Variants in DNPEP observed in about 807,000 individuals in gnomAD.
DNPEP encodes the protein aspartyl aminopeptidase.
In DNPEP, 46 loss-of-function variants were observed where a neutral mutation model predicts 59.1. The ratio of observed to expected loss-of-function variants is 0.78; its 90% confidence interval spans 0.61 to 0.99. DNPEP has a LOEUF of 0.99. Among genes scored for constraint, DNPEP ranks in the 50% least tolerant of loss-of-function variants. DNPEP has a pLI of 0.00. For synonymous variants in DNPEP, 229 were observed against 242.2 expected (o/e 0.95, Z 0.50); for missense variants, 617 against 649.9 (o/e 0.95, Z 0.55).
chr2:219,377,928 T>G (rs145728809), intron 13 of DNPEP, among the ~76,000 whole-genome samples: 101 of 150,650 alleles, frequency 6.7e-4, no homozygotes, highest in African/African-American at 2.4e-3. Flanking sequence ...GTTTCTAATT[T>G]TAAAAAAACA....
intron 13 of DNPEP, among the ~76,000 whole-genome samples, chr2:219,377,137 C>T (rs1272136621): frequency 6.6e-6 from 1 of 151,546 alleles, no homozygotes; most frequent in South Asian, 2.1e-4. Flanking sequence ...AGCTGGGCAT[C>T]GTGGTGCACA....
chr2:219,383,058 G>T, intron 10 of DNPEP, 73 bp downstream of exon 10: 1 of 1,438,204 alleles, frequency 7.0e-7, no homozygotes. Flanking sequence ...CTGGCTCACG[G>T]TGGATGCCTG....
intron 1 of DNPEP, chr2:219,399,894 G>A: frequency 6.4e-7 from 1 of 1,550,530 alleles, no homozygotes; most frequent in Non-Finnish European, 8.7e-7. Context: ...CCAGCTGTTG[G>A]GGACGAACAT....
At chr2:219,380,099 G>A (rs1210724418) in intron 13 of DNPEP, among the ~76,000 whole-genome samples, 1 of 151,864 alleles carries the variant, frequency 6.6e-6, no homozygotes, top group Admixed American at 6.6e-5. Flanking sequence ...ACTCACCCAG[G>A]GCAACTTCGA....
At chr2:219,388,575 C>T (rs1953953306), upstream of DNPEP, 1 of 444,660 alleles carries the variant, frequency 2.2e-6, no homozygotes, top group Non-Finnish European at 3.0e-6. Context: ...CCGTCACCCA[C>T]GCCGCGCGAC....
chr2:219,396,531 T>C (rs1954099817), intron 1 of DNPEP, among the ~76,000 whole-genome samples: 1 of 151,496 alleles, frequency 6.6e-6, no homozygotes, highest in Non-Finnish European at 1.5e-5. Context: ...GAGGTTGAAG[T>C]GAGCTGAGAT....
At chr2:219,378,757 GC>G (rs143019560) in intron 13 of DNPEP, among the ~76,000 whole-genome samples, 5,176 of 152,202 alleles carry the variant, frequency 0.034, 264 homozygotes, top group African/African-American at 0.1. Context: ...CGATGTTGTG[GC>G]ATAATGCATG....
chr2:219,399,578 G>A, intron 1 of DNPEP: 1 of 620,148 alleles, frequency 1.6e-6, no homozygotes, highest in East Asian at 3.4e-5. Flanking sequence ...GTGCCGATGG[G>A]TGGGCTGCCC....
chr2:219,383,327 A>G, intron 9 of DNPEP, 113 bp from the exon 10 acceptor site: 1 of 826,888 alleles, frequency 1.2e-6, no homozygotes, highest in Non-Finnish European at 2.0e-6. Flanking sequence ...TTGGGTGTGC[A>G]CATTCCCCTG....
chr2:219,389,221 G>A (rs971953306), upstream of DNPEP, among the ~76,000 whole-genome samples: 8 of 152,110 alleles, frequency 5.3e-5, 1 homozygote, highest in Admixed American at 5.2e-4. Context: ...GTATTCCCAT[G>A]TCAGGAGTAG....
chr2:219,386,025 G>A lies in DNPEP; in HGVS notation c.533C>T (p.Ala178Val). Residue 178 changes from alanine (A) to valine (V), a missense_variant, in exon 6 of 15, where the codon GCC (alanine) becomes GTC (valine). Ala to Val is a moderately conservative substitution (Grantham distance 64, BLOSUM62 0). Transcript: ENST00000273075. ...ERPILRIPHL[A>V]IHLQRNINEN... The stretch of plus-strand genomic sequence containing the variant: ...GTTGATATTTCGCTGCAGATGGATG[G>A]CCAGGTGTGGGATGCGAAGAATGGG... The A allele has an allele frequency of 6.2e-7, 1 of 1,614,164 alleles. No individual in the cohort carries two copies. Among genetic ancestry groups the A allele is most frequent in the Non-Finnish European group, 8.5e-7 (1 of 1,180,010 alleles).
At chr2:219,384,092 G>A (rs764935323) in intron 9 of DNPEP, among the ~76,000 whole-genome samples, 1 of 152,204 alleles carries the variant, frequency 6.6e-6, no homozygotes. Flanking sequence ...AGCAGCAGGA[G>A]CAAGGCTAGG....
intron 1 of DNPEP, among the ~76,000 whole-genome samples, chr2:219,398,691 C>G (rs1954137346): frequency 6.6e-6 from 1 of 152,056 alleles, no homozygotes; most frequent in African/African-American, 2.4e-5. Context: ...CTCTAGAAAA[C>G]CTGGACTTTT....
intron 4 of DNPEP, 84 bp downstream of exon 4, chr2:219,386,580 GC>G (rs1559340473): frequency 6.9e-6 from 10 of 1,446,822 alleles, no homozygotes; most frequent in Admixed American, 2.0e-5. Context: ...GGGGATAGAG[GC>G]CCCAGTTTGT....
intron 13 of DNPEP, among the ~76,000 whole-genome samples, chr2:219,380,638 C>T (rs1483242704): frequency 6.6e-6 from 1 of 152,152 alleles, no homozygotes; most frequent in Non-Finnish European, 1.5e-5. Flanking sequence ...CTACACCACA[C>T]AACCTAGGTG....
chr2:219,384,551 T>C, intron 8 of DNPEP, 108 bp from the exon 9 acceptor site: 1 of 823,032 alleles, frequency 1.2e-6, no homozygotes, highest in South Asian at 1.7e-5. Flanking sequence ...CCCTGACCCC[T>C]GGCTTAGGGC....
In DNPEP at chr2:219,380,990, TG is replaced by T. The variant is rs557547709; in HGVS notation, c.1239+344del. Among the ~76,000 whole-genome samples the T allele has an allele frequency of 6.3e-3, 953 of 152,100 alleles. 6 individuals carry two copies. Among genetic ancestry groups the T allele is most frequent in the Non-Finnish European group, 0.01 (683 of 67,974 alleles). ...GGGTGTGTAGGAGACACAGGGGAAG[TG>T]GGGGTGCTGCAGGGAAAGACAGGCC... On this transcript the variant is annotated intron_variant, in intron 13 of 14. Transcript: ENST00000273075.
In DNPEP at chr2:219,382,052, C is replaced by T. The variant is rs1451694794; in HGVS notation, c.1024G>A (p.Ala342Thr). 14 of 1,614,004 alleles carry T rather than the reference C, an allele frequency of 8.7e-6. No homozygotes were observed. Among genetic ancestry groups the T allele is most frequent in the Non-Finnish European group, 1.1e-5 (13 of 1,180,052 alleles). ...RISASCQHPT[A>T]FEEAIPKSFM... ...GACTTGGGTATGGCTTCCTCGAAGG[C>T]TGTCGGGTGCTGGCACGAGGCTGAG... is the stretch of plus-strand genomic sequence containing the variant. The change falls in exon 11 of 15, where the codon GCC (alanine) becomes ACC (threonine). Residue 342 changes from alanine to threonine, a missense_variant. Transcript: ENST00000273075.
rs528574064 is a variant in DNPEP, at chr2:219,374,180, C to G, written c.*112G>C. On this transcript the variant is annotated 3_prime_UTR_variant, in exon 15 of 15. Coordinates refer to ENST00000273075, the MANE Select transcript of DNPEP (RefSeq NM_012100.4). Reference sequence around the variant, plus strand: ...CCCACTCCTCTAGTCTCCAAATAAGCGTAGCACGGAGAGTCTGAGTGACAA... The same window carrying G: ...CCCACTCCTCTAGTCTCCAAATAAGGGTAGCACGGAGAGTCTGAGTGACAA... 3.7e-5 allele frequency: 40 copies of G among 1,073,556 alleles called. No individual in the cohort carries two copies. The Middle Eastern group carries it at 6.2e-4, about 17-fold the overall frequency. 66.5% of individuals were successfully genotyped at this position (1,073,556 alleles called of 1,614,324 possible). A position where few individuals can be genotyped will look rare whatever the true frequency, so the allele number is the denominator to read the frequency against.
Sources: allele counts gnomAD v4.1 joint callset (sites outside exome capture counted in the v4.1 genomes callset), GRCh38; gene constraint gnomAD v4.1.1; transcripts MANE v1.5; gene names NCBI Gene and HGNC (gene_info 2026-07-23, HGNC 2026-07-21).